The following MYMK variants were observed in gnomAD, a reference collection of about 807,000 sequenced individuals.
MYMK encodes protein myomaker.
In MYMK, 16 loss-of-function variants were observed where a neutral mutation model predicts 22.4. The ratio of observed to expected loss-of-function variants is 0.72; its 90% CI spans 0.48 to 1.09. The LOEUF is 1.09. Among genes scored for constraint, MYMK ranks in the 50% least tolerant of loss-of-function variants. The pLI, the probability that MYMK is intolerant of heterozygous loss-of-function variation, is 0.00. For missense variants in MYMK, 250 were observed against 295.6 expected (o/e 0.85, Z 1.13); for synonymous variants, 125 against 127.0 (o/e 0.98, Z 0.11).
Position 133,524,878 on chromosome 9 carries a change from G to C in MYMK, c.-34C>G. The C allele has an allele frequency of 6.3e-7, 1 of 1,575,134 alleles. No homozygotes were observed. The highest frequency in any genetic ancestry group is 8.6e-7 in the Non-Finnish European group (1 of 1,160,540). ...AGGAAAGCACTGGCTGGGGTGGGGA[G>C]GGTGCTGGTGTCCCAGGTCCCCAGC... On this transcript the variant is annotated 5_prime_UTR_variant, in exon 1 of 5. Transcript: ENST00000339996.
Position 133,514,590 on chromosome 9 carries a change from T to C in MYMK, c.*46A>G, listed in dbSNP as rs760352036. 1.3e-5 allele frequency: 20 copies of C among 1,581,118 alleles called. No individual in the cohort carries two copies. The Admixed American group carries it at 3.6e-4, about 29-fold the overall frequency. On this transcript the variant is annotated 3_prime_UTR_variant, in exon 5 of 5. Transcript: ENST00000339996. ...GAAACTGTCTGGGACTCTGGCCAAG[T>C]GTGAGCTGGGGAGGGCAGGGGCTCA...
chr9:133,515,369 C>CA lies in MYMK; in HGVS notation c.516+121dup, dbSNP rs2131067173. 2 of 712,532 alleles carry CA rather than the reference C, an allele frequency of 2.8e-6. No individual in the cohort carries two copies. The highest frequency in any genetic ancestry group is 3.5e-5 in the African/African-American group (2 of 56,742). The allele number at this position is 712,532 out of a possible 1,614,324, so 44.1% of individuals were successfully genotyped here. ...GGGGCTAGTGAGCAGGGACTAATAC[C>CA]AGACTTTGGCCTGGGGCTGTCAGAG... On this transcript the variant is annotated intron_variant, in intron 4 of 4. Transcript: ENST00000339996. The surrounding 1 kb of genome is among the most constrained non-coding windows in gnomAD (Gnocchi z 5.8).
In MYMK at chr9:133,516,978, C is replaced by T. The variant is rs551559265; in HGVS notation, c.400-1371G>A. 3.9e-5 allele frequency among the ~76,000 whole-genome samples: 6 copies of T among 152,302 alleles called. No individual in the cohort carries two copies. In the East Asian group the frequency reaches 1.2e-3, roughly 29 times the overall value. On this transcript the variant is annotated intron_variant, in intron 3 of 4. Coordinates refer to ENST00000339996, the MANE Select transcript of MYMK (RefSeq NM_001080483.3). The stretch of plus-strand genomic sequence containing the variant: ...ACTCCATACTAAATGGTCTAGAAGA[C>T]AACAATTTGAGCCCCAGATGCGGGG...
intron 3 of MYMK, among the ~76,000 whole-genome samples, chr9:133,516,059 G>A (rs994012849): frequency 1.3e-5 from 2 of 152,216 alleles, no homozygotes; most frequent in African/African-American, 4.8e-5. Context: ...GACAAGCATC[G>A]TTTGCTTTCC....
At chr9:133,514,826 C>T (rs201035408) in intron 4 of MYMK, 41 bp from the exon 5 acceptor site, 1 of 1,589,076 alleles carries the variant, frequency 6.3e-7, no homozygotes, top group Non-Finnish European at 8.6e-7. Flanking sequence ...TCAGCCCCCT[C>T]CCCGAGGCTC....
intron 3 of MYMK, among the ~76,000 whole-genome samples, 175 bp downstream of exon 3, chr9:133,518,699 T>C (rs1669509278): frequency 6.6e-6 from 1 of 152,202 alleles, no homozygotes; most frequent in Non-Finnish European, 1.5e-5. Context: ...ACACACAGTC[T>C]ACACAGCCGG....
intron 1 of MYMK, among the ~76,000 whole-genome samples, chr9:133,521,976 G>C (rs1844708238): frequency 6.6e-6 from 1 of 152,248 alleles, no homozygotes; most frequent in Admixed American, 6.5e-5. Flanking sequence ...TCCCAGCATA[G>C]AGTGCTTGCT....
At chr9:133,520,333 C>T in intron 1 of MYMK, 45 bp from the exon 2 acceptor site, 1 of 1,524,042 alleles carries the variant, frequency 6.6e-7, no homozygotes, top group South Asian at 1.1e-5. Context: ...GAGGCCAGAG[C>T]TGGTCCCCGA....
Position 133,518,995 on chromosome 9 carries a change from C to T in MYMK, c.278G>A (p.Arg93Lys). ...MALADFDEPK[R>K]STFVMFGVLT... ...GACGCCGAACATCACAAATGTTGACCTCTTGGGTTCGTCGAAGTCGGCCAG... is the reference window on the plus strand; with the variant it reads ...GACGCCGAACATCACAAATGTTGACTTCTTGGGTTCGTCGAAGTCGGCCAG... Residue 93 changes from arginine to lysine, a missense_variant, in exon 3 of 5, where the codon AGG becomes AAG. Arg to Lys is a conservative substitution (Grantham distance 26). Transcript: ENST00000339996. The T allele has an allele frequency of 1.2e-6, 2 of 1,613,986 alleles. No homozygotes were observed. Among genetic ancestry groups the T allele is most frequent in the African/African-American group, 1.3e-5 (1 of 75,038 alleles).
At chr9:133,521,376 C>T (rs566127671) in intron 1 of MYMK, among the ~76,000 whole-genome samples, 2 of 152,118 alleles carry the variant, frequency 1.3e-5, no homozygotes, top group Admixed American at 1.3e-4. Flanking sequence ...GAAAGCAGCC[C>T]GTGTCTGGAG....
chr9:133,515,470 C>G lies in MYMK; in HGVS notation c.516+21G>C. ...CGAGTGGGCTCTGGGGCACAGGACA[C>G]CTCCCCGCTGGGCTTGGTACCTCAA... On this transcript the variant is annotated intron_variant, in intron 4 of 4. Transcript: ENST00000339996. This position sits in a 1 kb window ranked among gnomAD's most constrained non-coding sequence, Gnocchi z 5.8. The G allele has an allele frequency of 6.5e-7, 1 of 1,538,848 alleles. No homozygotes were observed. Among genetic ancestry groups the G allele is most frequent in the Non-Finnish European group, 9.0e-7 (1 of 1,112,698 alleles).
chr9:133,514,851 C>T, intron 4 of MYMK, 66 bp from the exon 5 acceptor site: 2 of 1,522,686 alleles, frequency 1.3e-6, no homozygotes, highest in Non-Finnish European at 8.9e-7. Context: ...CTCTCCAAGA[C>T]CCAGCAGAGC....
chr9:133,515,461 C>CACAGG lies in MYMK; in HGVS notation c.516+25_516+29dup. 2 of 1,468,144 alleles carry CACAGG rather than the reference C, an allele frequency of 1.4e-6. No homozygotes were observed. The highest frequency in any genetic ancestry group is 1.9e-6 in the Non-Finnish European group (2 of 1,048,928). The allele number at this position is 1,468,144 out of a possible 1,614,324, so 90.9% of individuals were successfully genotyped here. A position where few individuals can be genotyped will look rare whatever the true frequency, so the allele number is the denominator to read the frequency against. On this transcript the variant is annotated intron_variant, in intron 4 of 4. Transcript: ENST00000339996. The surrounding 1 kb of genome is among the most constrained non-coding windows in gnomAD (Gnocchi z 5.8). ...GAGCCATGCCGAGTGGGCTCTGGGGCACAGGACACCTCCCCGCTGGGCTTG... is the reference window on the plus strand; with the variant it reads ...GAGCCATGCCGAGTGGGCTCTGGGGCACAGGACAGGACACCTCCCCGCTGGGCTTG...
chr9:133,524,059 C>G (rs764373741), intron 1 of MYMK, among the ~76,000 whole-genome samples: 14 of 151,784 alleles, frequency 9.2e-5, no homozygotes, highest in Admixed American at 1.3e-4. Flanking sequence ...CACCCAATGA[C>G]AGGTACCAGG....
At position 133,519,002 on chromosome 9, in the gene MYMK, G is replaced by T. The variant is rs137868995; in HGVS notation, c.271C>A (p.Pro91Thr). 1.9e-3 allele frequency: 3,094 copies of T among 1,613,944 alleles called. 2 individuals are homozygous for T. The highest frequency in any genetic ancestry group is 2.4e-3 in the Non-Finnish European group (2,843 of 1,180,016). ...AACATCACAAATGTTGACCTCTTGG[G>T]TTCGTCGAAGTCGGCCAGTGCTGGA... is the stretch of plus-strand genomic sequence containing the variant. The part of the protein sequence containing the change: ...SLMALADFDE[P>T]KRSTFVMFGV... The change falls in exon 3 of 5, where the codon CCC becomes ACC. Residue 91 changes from proline (P) to threonine (T), a missense_variant. Physicochemically the swap from Pro to Thr is conservative, Grantham distance 38. Coordinates refer to ENST00000339996, the MANE Select transcript of MYMK (RefSeq NM_001080483.3).
At chr9:133,518,744 G>C in intron 3 of MYMK, 130 bp downstream of exon 3, 1 of 1,242,252 alleles carries the variant, frequency 8.0e-7, no homozygotes, top group Non-Finnish European at 1.1e-6. Flanking sequence ...TGGTTTTGCT[G>C]AATTCCTGCA....
chr9:133,521,208 C>G (rs1844699392), intron 1 of MYMK, among the ~76,000 whole-genome samples: 3 of 152,222 alleles, frequency 2.0e-5, no homozygotes. Flanking sequence ...CTACGGAAAA[C>G]AACTCTCTCT....
At chr9:133,523,147 C>A (rs534357177) in intron 1 of MYMK, among the ~76,000 whole-genome samples, 4 of 152,234 alleles carry the variant, frequency 2.6e-5, no homozygotes, top group African/African-American at 7.2e-5. Flanking sequence ...CCAGCCCACA[C>A]GTGCACACTC....
Position 133,515,389 on chromosome 9 carries a change from TCAGAGTCCCCC to T in MYMK, c.516+91_516+101del. ...AATACCAGACTTTGGCCTGGGGCTG[TCAGAGTCCCCC>T]CAGCGTGGGCACAGCCCTGGTATCC... On this transcript the variant is annotated intron_variant, in intron 4 of 4. Transcript: ENST00000339996. The surrounding 1 kb of genome is among the most constrained non-coding windows in gnomAD (Gnocchi z 5.8). The T allele has an allele frequency of 1.2e-6, 1 of 814,070 alleles. No individual in the cohort carries two copies. The highest frequency in any genetic ancestry group is 2.1e-6 in the Non-Finnish European group (1 of 485,510). The allele number at this position is 814,070 out of a possible 1,614,324, so 50.4% of individuals were successfully genotyped here. A position where few individuals can be genotyped will look rare whatever the true frequency, so the allele number is the denominator to read the frequency against.
Sources: gnomAD v4.1 joint callset for allele counts (sites outside exome capture counted in the v4.1 genomes callset) on GRCh38, gnomAD v4.1.1 for gene constraint, Gnocchi (gnomAD v3.1) non-coding constraint, MANE v1.5 for transcripts, NCBI Gene and HGNC (gene_info 2026-07-23, HGNC 2026-07-21) for gene names.